The following SFSWAP variants were observed in gnomAD, a reference collection of about 807,000 sequenced individuals.
SFSWAP encodes splicing factor SWAP.
In SFSWAP, 17 loss-of-function variants were observed where a neutral mutation model predicts 100.7. That is an observed-to-expected ratio of 0.17 (90% CI 0.12 to 0.25). The LOEUF (loss-of-function observed/expected upper bound fraction) is 0.25, where lower values mean the gene tolerates loss of function less well. SFSWAP is among the 10% of genes least tolerant of loss of function. The probability of loss-of-function intolerance (pLI) is 1.00; values close to 1 mark genes in which losing one functional copy is unlikely to be tolerated. For synonymous variants in SFSWAP, 504 were observed against 510.1 expected, an observed-to-expected ratio of 0.99 and a Z score of 0.16; for missense variants, 1,005 against 1,262.6, an observed-to-expected ratio of 0.80 and a Z score of 3.09.
intron 15 of SFSWAP, among the ~76,000 whole-genome samples, chr12:131,791,707 G>A (rs184480211): frequency 1.3e-5 from 2 of 152,198 alleles, no homozygotes; most frequent in East Asian, 1.9e-4. Context: ...AGCCAAGATT[G>A]CGTTCCAGCC....
At chr12:131,773,617 G>GGCCTCTC (rs1775419986) in intron 13 of SFSWAP, among the ~76,000 whole-genome samples, 1 of 152,172 alleles carries the variant, frequency 6.6e-6, no homozygotes, top group Non-Finnish European at 1.5e-5. Context: ...ATGCTAGGAT[G>GGCCTCTC]ACAGGCATGA....
chr12:131,728,536 G>A, intron 7 of SFSWAP, 108 bp downstream of exon 7: 1 of 1,259,814 alleles, frequency 7.9e-7, no homozygotes, highest in South Asian at 1.4e-5. Context: ...AACAAGTATG[G>A]AAGCAGGCGG....
rs201117967 is a variant in SFSWAP at position 131,753,103 on chromosome 12, G to A, written c.1082-20G>A. The A allele has an allele frequency of 2.2e-4, 360 of 1,613,608 alleles. No individual in the cohort carries two copies. Among genetic ancestry groups the A allele is most frequent in the African/African-American group, 1.3e-3 (96 of 75,046 alleles). Reference sequence around the variant, plus strand: ...GCCTGTGGCCGGCCATGCTCACTCCGGGGCAATGTGTCTCCACAGCGACCG... The same window carrying A: ...GCCTGTGGCCGGCCATGCTCACTCCAGGGCAATGTGTCTCCACAGCGACCG... On this transcript the variant is annotated intron_variant, in intron 7 of 17. Transcript: ENST00000261674.
At chr12:131,784,140 A>G (rs1033105188) in intron 14 of SFSWAP, 1 of 152,166 alleles carries the variant, frequency 6.6e-6, no homozygotes, top group Non-Finnish European at 1.5e-5. Flanking sequence ...AAGTGAATCA[A>G]AGTGAATTGT....
Position 131,729,229 on chromosome 12 carries a change from C to T in SFSWAP, c.1081+801C>T, listed in dbSNP as rs141532924. Reference sequence around the variant, plus strand: ...TTAAAAAGGTTCACAGCAGGCCAGGCGTGGTGGCTAATGCCTATAATCCCA... The same window carrying T: ...TTAAAAAGGTTCACAGCAGGCCAGGTGTGGTGGCTAATGCCTATAATCCCA... On this transcript the variant is annotated intron_variant, in intron 7 of 17. Coordinates refer to ENST00000261674, the MANE Select transcript of SFSWAP (RefSeq NM_004592.4). 4.5e-3 allele frequency among the ~76,000 whole-genome samples: 683 copies of T among 152,212 alleles called. 8 individuals are homozygous for T. Among genetic ancestry groups the T allele is most frequent in the African/African-American group, 0.015 (635 of 41,510 alleles).
chr12:131,798,177 G>A lies in SFSWAP; in HGVS notation c.2717+817G>A, dbSNP rs547120471. ...TCTCTACTAAAAATAGGTGGCACGC[G>A]TCTGTAATCCCAGCTACTCAGGAGG... On this transcript the variant is annotated intron_variant, in intron 16 of 17. Transcript: ENST00000261674. Among the ~76,000 whole-genome samples the A allele has an allele frequency of 3.0e-4, 46 of 152,224 alleles. 2 individuals carry two copies. The highest frequency in any genetic ancestry group is 8.7e-4 in the African/African-American group (36 of 41,528).
At chr12:131,754,309 CA>C in intron 8 of SFSWAP, 58 bp from the exon 9 acceptor site, 1 of 1,419,768 alleles carries the variant, frequency 7.0e-7, no homozygotes, top group South Asian at 1.6e-5. Flanking sequence ...CCCGAGCAGC[CA>C]GGACTGAGCT....
At chr12:131,739,089 G>A (rs868830907) in intron 7 of SFSWAP, among the ~76,000 whole-genome samples, 5 of 151,676 alleles carry the variant, frequency 3.3e-5, no homozygotes, top group Non-Finnish European at 7.4e-5. Flanking sequence ...TGTTGCCCAG[G>A]CTGATGTTAA....
At chr12:131,761,439 T>C (rs1360274724) in intron 11 of SFSWAP, among the ~76,000 whole-genome samples, 2 of 151,808 alleles carry the variant, frequency 1.3e-5, no homozygotes, top group Non-Finnish European at 2.9e-5. Flanking sequence ...TCATAGTGAG[T>C]GGTGTGCAGG....
chr12:131,711,618 CG>C lies in SFSWAP; in HGVS notation c.218+173del. ...CCTGGTGTTCTGGTGGGGAGGGGGACGGTGAAACCTGCCCTAAGGCACTGGC... is the reference window on the plus strand; with the variant it reads ...CCTGGTGTTCTGGTGGGGAGGGGGACGTGAAACCTGCCCTAAGGCACTGGC... On this transcript the variant is annotated intron_variant, in intron 1 of 17. Coordinates refer to ENST00000261674, the MANE Select transcript of SFSWAP (RefSeq NM_004592.4). This position sits in a 1 kb window ranked among gnomAD's most constrained non-coding sequence, Gnocchi z 4.9. 1.6e-6 allele frequency: 1 copy of C among 612,676 alleles called. No individual in the cohort carries two copies. The highest frequency in any genetic ancestry group is 2.9e-6 in the Non-Finnish European group (1 of 348,006). The allele number at this position is 612,676 out of a possible 1,614,324, so 38.0% of individuals were successfully genotyped here. A position where few individuals can be genotyped will look rare whatever the true frequency, so the allele number is the denominator to read the frequency against.
intron 3 of SFSWAP, among the ~76,000 whole-genome samples, chr12:131,717,403 T>C (rs1878025840): frequency 6.6e-6 from 1 of 152,206 alleles, no homozygotes; most frequent in Non-Finnish European, 1.5e-5. Context: ...TTTCCCTCTT[T>C]TTTAGGGGAA....
intron 15 of SFSWAP, 31 bp from the exon 16 acceptor site, chr12:131,797,147 T>C (rs762860579): frequency 4.6e-5 from 73 of 1,591,332 alleles, no homozygotes; most frequent in Non-Finnish European, 5.6e-5. Context: ...AAACCAAAGC[T>C]GCATCTCTCA....
Position 131,711,502 on chromosome 12 carries a change from G to T in SFSWAP, c.218+55G>T. 7.0e-7 allele frequency: 1 copy of T among 1,434,518 alleles called. No homozygotes were observed. The highest frequency in any genetic ancestry group is 9.7e-7 in the Non-Finnish European group (1 of 1,025,658). The allele number at this position is 1,434,518 out of a possible 1,614,324, so 88.9% of individuals were successfully genotyped here. On this transcript the variant is annotated intron_variant, in intron 1 of 17. Transcript: ENST00000261674. This position sits in a 1 kb window ranked among gnomAD's most constrained non-coding sequence, Gnocchi z 4.9. ...TCCCTTCCCTCACCCGCTTGATCTC[G>T]TCTGATGTTGACTTGACTGCAAGGA...
rs1877698122 is a variant in SFSWAP, at chr12:131,714,527, T to C, written c.388+287T>C. On this transcript the variant is annotated intron_variant, in intron 2 of 17. Transcript: ENST00000261674. This position sits in a 1 kb window ranked among gnomAD's most constrained non-coding sequence, Gnocchi z 6.0. Reference sequence around the variant, plus strand: ...TTTAACAGTATCGTATAAATAAAATTGATGTTCTTGTCTTTGCCGTAACAG... The same window carrying C: ...TTTAACAGTATCGTATAAATAAAATCGATGTTCTTGTCTTTGCCGTAACAG... 2.1e-6 allele frequency: 1 copy of C among 485,108 alleles called. No individual in the cohort carries two copies. Among genetic ancestry groups the C allele is most frequent in the East Asian group, 3.5e-5 (1 of 28,546 alleles). The allele number at this position is 485,108 out of a possible 1,614,324, so 30.1% of individuals were successfully genotyped here. A position where few individuals can be genotyped will look rare whatever the true frequency, so the allele number is the denominator to read the frequency against.
chr12:131,746,299 C>T (rs924139859), intron 7 of SFSWAP, among the ~76,000 whole-genome samples: 1 of 152,206 alleles, frequency 6.6e-6, no homozygotes, highest in Non-Finnish European at 1.5e-5. Context: ...GTGCCGCCTT[C>T]CTAGCTGAGG....
Position 131,730,864 on chromosome 12 carries a change from TC to T in SFSWAP, c.1081+2440del, listed in dbSNP as rs1416536019. 6.6e-6 allele frequency among the ~76,000 whole-genome samples: 1 copy of T among 152,026 alleles called. No homozygotes were observed. The highest frequency in any genetic ancestry group is 1.5e-5 in the Non-Finnish European group (1 of 67,994). The stretch of plus-strand genomic sequence containing the variant: ...TGCCGTTGTTTTGAAACTCATCGTC[TC>T]CCCTCGACACAGCAAGAGTAGTGGA... On this transcript the variant is annotated intron_variant, in intron 7 of 17. Transcript: ENST00000261674. This position sits in a 1 kb window ranked among gnomAD's most constrained non-coding sequence, Gnocchi z 4.0.
At chr12:131,743,239 TAACTC>T (rs950566356) in intron 7 of SFSWAP, among the ~76,000 whole-genome samples, 1 of 152,210 alleles carries the variant, frequency 6.6e-6, no homozygotes, top group African/African-American at 2.4e-5. Context: ...CCCAAAGTCT[TAACTC>T]ATTTCAGCAT....
chr12:131,779,771 C>A (rs958024397), intron 14 of SFSWAP, among the ~76,000 whole-genome samples: 1 of 151,936 alleles, frequency 6.6e-6, no homozygotes, highest in African/African-American at 2.4e-5. Flanking sequence ...GCTTTCTTTA[C>A]TTATTTATTT....
chr12:131,786,467 C>A lies in SFSWAP; in HGVS notation c.2413C>A (p.Arg805Ser). The change falls in exon 15 of 18, where the codon CGC (arginine) becomes AGC (serine). Residue 805 changes from arginine to serine, a missense_variant. By Grantham distance (110) the Arg-to-Ser change is moderately radical. Around this residue, in one of 7 missense-constraint regions of SFSWAP, gnomAD observed 295 missense variants for 347.9 expected, o/e 0.85. Coordinates refer to ENST00000261674, the MANE Select transcript of SFSWAP (RefSeq NM_004592.4). ...AYRTVRRSRS[R>S]SRSPRRRAHS... is the part of the protein sequence containing the mutation. ...ACTGCCTCCTCCCCTGTCCAGGTCC[C>A]GCTCCCGGTCCCCTCGGAGGAGAGC... The A allele has an allele frequency of 6.3e-7, 1 of 1,586,214 alleles. No individual in the cohort carries two copies. The highest frequency in any genetic ancestry group is 8.6e-7 in the Non-Finnish European group (1 of 1,167,136).
Sources: gnomAD v4.1 joint callset for allele counts (sites outside exome capture counted in the v4.1 genomes callset) on GRCh38, gnomAD v4.1.1 for gene constraint, gnomAD v4.1.1 regional missense constraint, Gnocchi (gnomAD v3.1) non-coding constraint, MANE v1.5 for transcripts, NCBI Gene and HGNC (gene_info 2026-07-23, HGNC 2026-07-21) for gene names.